PLCXD3: variants seen among roughly 807,000 people sequenced by gnomAD.
PLCXD3 encodes the protein PI-PLC X domain-containing protein 3.
PLCXD3 carries 19 observed loss-of-function variants against 25.5 expected under a neutral mutation model. The observed-to-expected ratio is 0.75, with a 90% CI of 0.52 to 1.09. The LOEUF is 1.09. Ranked by LOEUF, PLCXD3 falls within the 50% of genes least tolerant of loss-of-function variation. The pLI is 0.00. For synonymous variants in PLCXD3, 174 were observed against 137.6 expected (o/e 1.26, Z -1.85); for missense variants, 411 against 388.1 (o/e 1.06, Z -0.50).
intron 2 of PLCXD3, among the ~76,000 whole-genome samples, chr5:41,320,519 C>T (rs6886899): frequency 0.083 from 12,555 of 152,160 alleles, 796 homozygotes; most frequent in East Asian, 0.35. Flanking sequence ...TTTTTTGAGA[C>T]GGAGTCTCGC....
At chr5:41,499,044 T>C (rs536869064) in intron 1 of PLCXD3, among the ~76,000 whole-genome samples, 8 of 151,568 alleles carry the variant, frequency 5.3e-5, no homozygotes, top group African/African-American at 1.7e-4. Flanking sequence ...CCCATAGTCA[T>C]ACTCAATAGT....
At chr5:41,410,837 T>G (rs1350749748) in intron 1 of PLCXD3, among the ~76,000 whole-genome samples, 1 of 152,238 alleles carries the variant, frequency 6.6e-6, no homozygotes, top group East Asian at 1.9e-4. Context: ...CAGCCACATC[T>G]TCCCTATTCC....
chr5:41,352,535 A>G (rs1744493817), intron 2 of PLCXD3, among the ~76,000 whole-genome samples: 1 of 152,220 alleles, frequency 6.6e-6, no homozygotes. Flanking sequence ...TATGATAATT[A>G]GCCTAGTCTT....
Position 41,313,727 on chromosome 5 carries a change from C to T in PLCXD3, c.856G>A (p.Gly286Arg). Residue 286 changes from glycine to arginine, a missense_variant, in exon 3 of 3, where the codon GGA (glycine) becomes AGA (arginine). Coordinates refer to ENST00000377801, the MANE Select transcript of PLCXD3 (RefSeq NM_001005473.3). ...GTGACAATATTGATGCCACTCTCTC[C>T]TGGCTTCTGCGTGCGGACCCACTGC... is the stretch of plus-strand genomic sequence containing the variant. ...MMQWVRTQKPGESGINIVTAD... is the reference protein window; with the variant it reads ...MMQWVRTQKPRESGINIVTAD... The T allele has an allele frequency of 1.2e-6, 2 of 1,613,070 alleles. No individual in the cohort carries two copies. The highest frequency in any genetic ancestry group is 1.7e-6 in the Non-Finnish European group (2 of 1,179,448).
At chr5:41,327,379 G>T (rs1168617927) in intron 2 of PLCXD3, among the ~76,000 whole-genome samples, 2 of 151,540 alleles carry the variant, frequency 1.3e-5, no homozygotes, top group Non-Finnish European at 2.9e-5. Flanking sequence ...TCCAATTAAA[G>T]AAATTTTTAA....
chr5:41,492,285 A>G (rs1324626093), intron 1 of PLCXD3, among the ~76,000 whole-genome samples: 4 of 152,288 alleles, frequency 2.6e-5, no homozygotes, highest in South Asian at 2.1e-4. Flanking sequence ...TGGCTTGTAG[A>G]GTTTCTGCCG....
chr5:41,472,752 C>T (rs1156574791), intron 1 of PLCXD3, among the ~76,000 whole-genome samples: 1 of 152,178 alleles, frequency 6.6e-6, no homozygotes, highest in East Asian at 1.9e-4. Flanking sequence ...CGTGCTGGAT[C>T]TTTAGGTTGG....
intron 1 of PLCXD3, among the ~76,000 whole-genome samples, chr5:41,463,390 A>T (rs1747938433): frequency 6.6e-6 from 1 of 151,942 alleles, no homozygotes; most frequent in South Asian, 2.1e-4. Flanking sequence ...TGGGGTCTCT[A>T]TTATAAGAAC....
At chr5:41,460,260 A>G (rs1747845786) in intron 1 of PLCXD3, among the ~76,000 whole-genome samples, 2 of 151,822 alleles carry the variant, frequency 1.3e-5, no homozygotes, top group Admixed American at 6.6e-5. Context: ...TTAATTCTCA[A>G]TGGTGTTGGC....
At chr5:41,459,605 A>G (rs1747829958) in intron 1 of PLCXD3, among the ~76,000 whole-genome samples, 1 of 151,810 alleles carries the variant, frequency 6.6e-6, no homozygotes, top group Non-Finnish European at 1.5e-5. Flanking sequence ...GAATATTAAT[A>G]AAATTTCATA....
chr5:41,430,156 G>A (rs1309828729), intron 1 of PLCXD3, among the ~76,000 whole-genome samples: 5 of 152,228 alleles, frequency 3.3e-5, no homozygotes, highest in South Asian at 2.1e-4. Context: ...AACAATAATA[G>A]CACCTATCCC....
chr5:41,363,762 G>A (rs1744854584), intron 2 of PLCXD3, among the ~76,000 whole-genome samples: 2 of 152,182 alleles, frequency 1.3e-5, no homozygotes, highest in African/African-American at 4.8e-5. Context: ...AAAGGAGAAG[G>A]ACTTATCCCT....
chr5:41,355,982 T>C (rs182943021), intron 2 of PLCXD3, among the ~76,000 whole-genome samples: 26 of 152,304 alleles, frequency 1.7e-4, no homozygotes, highest in Admixed American at 1.7e-3. Context: ...CCATTTATCT[T>C]TGTTACCCAA....
At chr5:41,484,992 T>C (rs1748488311) in intron 1 of PLCXD3, among the ~76,000 whole-genome samples, 1 of 152,152 alleles carries the variant, frequency 6.6e-6, no homozygotes, top group Admixed American at 6.6e-5. Context: ...CAGAGGATAG[T>C]AAGGTATAAA....
intron 2 of PLCXD3, among the ~76,000 whole-genome samples, chr5:41,373,470 A>G (rs1369531405): frequency 2.0e-5 from 3 of 152,288 alleles, no homozygotes; most frequent in South Asian, 2.1e-4. Flanking sequence ...AAACTGTTGA[A>G]TATGTATACT....
At chr5:41,456,571 G>T in intron 1 of PLCXD3, 10 of 946,926 alleles carry the variant, frequency 1.1e-5, no homozygotes, top group Non-Finnish European at 1.3e-5. Flanking sequence ...CTGGAAAGTA[G>T]ATGTTTGTGT....
At chr5:41,393,336 A>G (rs1457357884) in intron 1 of PLCXD3, among the ~76,000 whole-genome samples, 3 of 152,188 alleles carry the variant, frequency 2.0e-5, no homozygotes, top group Non-Finnish European at 2.9e-5. Flanking sequence ...AATAAATAAC[A>G]TGAAATGCAG....
intron 2 of PLCXD3, among the ~76,000 whole-genome samples, chr5:41,324,261 A>C (rs1330757327): frequency 6.6e-6 from 1 of 152,198 alleles, no homozygotes; most frequent in Non-Finnish European, 1.5e-5. Flanking sequence ...GCTGAGTGAG[A>C]TTTAAGCAGG....
chr5:41,475,443 C>G (rs927380049), intron 1 of PLCXD3, among the ~76,000 whole-genome samples: 11 of 152,228 alleles, frequency 7.2e-5, no homozygotes, highest in Non-Finnish European at 1.5e-4. Context: ...CTTTATCTAT[C>G]CCTATCTGTC....
Sources: allele counts gnomAD v4.1 joint callset (sites outside exome capture counted in the v4.1 genomes callset), GRCh38; gene constraint gnomAD v4.1.1; transcripts MANE v1.5; gene names NCBI Gene and HGNC (gene_info 2026-07-23, HGNC 2026-07-21).